Variants in PTPRT observed in about 807,000 individuals in gnomAD.
PTPRT encodes protein tyrosine phosphatase receptor type T.
PTPRT carries 56 observed loss-of-function variants against 176.8 expected under a neutral mutation model. The ratio of observed to expected loss-of-function variants is 0.32; its 90% CI spans 0.26 to 0.40. PTPRT has a LOEUF of 0.40. Among genes scored for constraint, PTPRT ranks in the 10% least tolerant of loss-of-function variants. The pLI is 1.00. For synonymous variants in PTPRT, 783 were observed against 739.0 expected (o/e 1.06, Z -0.96); for missense variants, 1,540 against 1,908.2 (o/e 0.81, Z 3.60).
chr20:42,095,781 C>T (rs1012753964), intron 27 of PTPRT, among the ~76,000 whole-genome samples: 3 of 152,126 alleles, frequency 2.0e-5, no homozygotes, highest in Non-Finnish European at 2.9e-5. Flanking sequence ...GTCTGTGTTG[C>T]TCAGTGATGC....
At chr20:42,633,006 G>A (rs1332442436) in intron 7 of PTPRT, among the ~76,000 whole-genome samples, 1 of 152,128 alleles carries the variant, frequency 6.6e-6, no homozygotes, top group African/African-American at 2.4e-5. Flanking sequence ...GCCAAGCTCT[G>A]CCTCATGGAA....
intron 9 of PTPRT, among the ~76,000 whole-genome samples, chr20:42,364,869 A>C (rs2058492402): frequency 6.6e-6 from 1 of 152,206 alleles, no homozygotes; most frequent in Non-Finnish European, 1.5e-5. Flanking sequence ...AAGGCCCCAC[A>C]GTAACTGGTT....
intron 8 of PTPRT, among the ~76,000 whole-genome samples, chr20:42,464,402 G>A (rs1045691624): frequency 3.9e-5 from 6 of 152,228 alleles, no homozygotes; most frequent in Admixed American, 6.5e-5. Context: ...AGAGAACAGC[G>A]GTAGAGGTTT....
At chr20:42,616,005 C>T (rs2074068892) in intron 7 of PTPRT, among the ~76,000 whole-genome samples, 3 of 128,002 alleles carry the variant, frequency 2.3e-5, no homozygotes, top group Admixed American at 7.2e-5. Context: ...GACATGAAGT[C>T]CTTGCCCATG....
At chr20:42,071,804 G>A (rs562669886), downstream of PTPRT, among the ~76,000 whole-genome samples, 1 of 152,250 alleles carries the variant, frequency 6.6e-6, no homozygotes, top group African/African-American at 2.4e-5. Flanking sequence ...CTACAGGTGT[G>A]TGCCACCATG....
At chr20:42,757,555 G>A (rs528632738) in intron 5 of PTPRT, among the ~76,000 whole-genome samples, 1 of 152,334 alleles carries the variant, frequency 6.6e-6, no homozygotes, top group East Asian at 1.9e-4. Flanking sequence ...TCAGCTCACA[G>A]CCATCTCTAG....
At chr20:42,089,402 A>G (rs1984372889) in intron 27 of PTPRT, among the ~76,000 whole-genome samples, 1 of 152,152 alleles carries the variant, frequency 6.6e-6, no homozygotes, top group Non-Finnish European at 1.5e-5. Flanking sequence ...ATCCTGACAC[A>G]AGGTGCATGG....
Position 43,188,794 on chromosome 20 carries a change from T to C in PTPRT, c.88+852A>G, listed in dbSNP as rs570471317. Among the ~76,000 whole-genome samples the C allele has an allele frequency of 6.6e-3, 940 of 141,574 alleles. 17 individuals carry two copies. The highest frequency in any genetic ancestry group is 0.024 in the African/African-American group (907 of 38,588). 92.9% of individuals were successfully genotyped at this position (141,574 alleles called of 152,430 possible). ...GGTGGAAGCTGCCTGCGGTGGGGCT[T>C]GGTGATGTGTAAGACCCTGGACTGT... On this transcript the variant is annotated intron_variant, in intron 1 of 30. Coordinates refer to ENST00000373187, the MANE Select transcript of PTPRT (RefSeq NM_007050.6).
At chr20:42,886,034 T>C (rs2079096961) in intron 1 of PTPRT, 102 bp from the exon 2 acceptor site, 1 of 854,738 alleles carries the variant, frequency 1.2e-6, no homozygotes, top group Non-Finnish European at 1.6e-6. Flanking sequence ...AATTTTAAAC[T>C]CTGGAGAAGA....
intron 15 of PTPRT, among the ~76,000 whole-genome samples, chr20:42,214,400 T>G (rs547918429): frequency 2.0e-5 from 3 of 152,158 alleles, no homozygotes; most frequent in South Asian, 4.1e-4. Flanking sequence ...ACTGCCTCTG[T>G]TGGGTACCAA....
intron 1 of PTPRT, among the ~76,000 whole-genome samples, chr20:43,100,245 C>G (rs566698031): frequency 6.6e-6 from 1 of 152,226 alleles, no homozygotes; most frequent in Admixed American, 6.5e-5. Context: ...GGCATCATGA[C>G]ACACGCCTGT....
At chr20:42,905,764 G>A (rs568491004) in intron 1 of PTPRT, among the ~76,000 whole-genome samples, 1 of 152,282 alleles carries the variant, frequency 6.6e-6, no homozygotes, top group Non-Finnish European at 1.5e-5. Flanking sequence ...CATGTCCTTT[G>A]TAGGGTCATG....
intron 7 of PTPRT, among the ~76,000 whole-genome samples, chr20:42,574,866 G>A (rs1002530140): frequency 3.3e-5 from 5 of 152,078 alleles, no homozygotes; most frequent in Admixed American, 1.3e-4. Flanking sequence ...GTTTATAAGT[G>A]TTTGGCAGCT....
the PTPRT span, among the ~76,000 whole-genome samples, chr20:42,055,833 C>G: frequency 2.0e-5 from 3 of 152,200 alleles, no homozygotes; most frequent in African/African-American, 7.2e-5. Context: ...GGTGCCTGTT[C>G]TTGATCCTCA....
chr20:42,778,172 G>A (rs1359776914), intron 4 of PTPRT, among the ~76,000 whole-genome samples: 14 of 152,150 alleles, frequency 9.2e-5, no homozygotes, highest in Admixed American at 6.5e-4. Flanking sequence ...GACTTTGGGG[G>A]GTGGAAAGTC....
chr20:43,143,117 A>G (rs897562418), intron 1 of PTPRT, among the ~76,000 whole-genome samples: 1 of 152,296 alleles, frequency 6.6e-6, no homozygotes, highest in South Asian at 2.1e-4. Flanking sequence ...CCCATAAGGA[A>G]CGGTGTTGAT....
At chr20:42,864,034 T>C (rs1333037226) in intron 2 of PTPRT, among the ~76,000 whole-genome samples, 1 of 152,192 alleles carries the variant, frequency 6.6e-6, no homozygotes, top group Non-Finnish European at 1.5e-5. Context: ...TCAGCCCTGT[T>C]CCTGTCCCTT....
intron 13 of PTPRT, among the ~76,000 whole-genome samples, chr20:42,254,390 T>C (rs2056601416): frequency 6.6e-6 from 1 of 152,230 alleles, no homozygotes; most frequent in Admixed American, 6.5e-5. Context: ...AGCAGCTGCA[T>C]TGTAACAAGG....
At chr20:42,565,125 A>G (rs1288845890) in intron 7 of PTPRT, among the ~76,000 whole-genome samples, 1 of 152,020 alleles carries the variant, frequency 6.6e-6, no homozygotes, top group African/African-American at 2.4e-5. Flanking sequence ...ACCCGAGAAG[A>G]AGGGGGCCTG....
Sources: allele counts gnomAD v4.1 joint callset (sites outside exome capture counted in the v4.1 genomes callset), GRCh38; gene constraint gnomAD v4.1.1; transcripts MANE v1.5; gene names NCBI Gene and HGNC (gene_info 2026-07-23, HGNC 2026-07-21).